The following ARHGEF38 variants were observed in gnomAD, a reference collection of about 807,000 sequenced individuals.
ARHGEF38 encodes Rho guanine nucleotide exchange factor 38.
Under a neutral mutation model 79.9 loss-of-function variants are expected in ARHGEF38, and 79 were observed. The ratio of observed to expected loss-of-function variants is 0.99; its 90% CI spans 0.82 to 1.19. The LOEUF (loss-of-function observed/expected upper bound fraction) is 1.19. ARHGEF38 is among the 50% of genes most tolerant of loss of function. The pLI, the probability that ARHGEF38 is intolerant of heterozygous loss-of-function variation, is 0.00. For synonymous variants in ARHGEF38, 366 were observed against 328.3 expected (o/e 1.11, Z -1.24); for missense variants, 962 against 907.2 (o/e 1.06, Z -0.78).
chr4:105,574,052 T>C (rs964160417), intron 1 of ARHGEF38, among the ~76,000 whole-genome samples: 3 of 152,218 alleles, frequency 2.0e-5, no homozygotes, highest in African/African-American at 7.2e-5. Flanking sequence ...CAACTGATTT[T>C]TGTGTGTTGA....
At chr4:105,578,241 C>T (rs1726599266) in intron 1 of ARHGEF38, among the ~76,000 whole-genome samples, 1 of 152,008 alleles carries the variant, frequency 6.6e-6, no homozygotes, top group African/African-American at 2.4e-5. Context: ...TATGGGGGTT[C>T]CTTGTGGAGT....
At chr4:105,553,106 A>C in intron 1 of ARHGEF38, 145 bp downstream of exon 1, 3 of 616,554 alleles carry the variant, frequency 4.9e-6, no homozygotes, top group Non-Finnish European at 5.4e-6. Context: ...ATGAAAGTAA[A>C]TGTGACCTAT....
At chr4:105,669,384 G>A (rs1730882021) in intron 13 of ARHGEF38, among the ~76,000 whole-genome samples, 1 of 152,022 alleles carries the variant, frequency 6.6e-6, no homozygotes, top group African/African-American at 2.4e-5. Context: ...TCAAGGAAGG[G>A]GCTTGTCCAT....
intron 2 of ARHGEF38, among the ~76,000 whole-genome samples, chr4:105,590,884 T>C (rs1345093642): frequency 1.3e-5 from 2 of 152,188 alleles, no homozygotes; most frequent in Non-Finnish European, 1.5e-5. Flanking sequence ...CATTGGCCTT[T>C]TCTGTTATTC....
rs188998529 is a variant in ARHGEF38, at chr4:105,555,827, G to A, written c.196+2866G>A. Among the ~76,000 whole-genome samples, 7 of 152,264 alleles carry A rather than the reference G, an allele frequency of 4.6e-5. No individual in the cohort carries two copies. The East Asian group carries it at 9.6e-4, about 21-fold the overall frequency. On this transcript the variant is annotated intron_variant, in intron 1 of 13. Transcript: ENST00000420470. Reference sequence around the variant, plus strand: ...TAAGATTTTTCTTTGGTGCTCTTGAGCTTGTCTTTTAACTCATGATACCTA... The same window carrying A: ...TAAGATTTTTCTTTGGTGCTCTTGAACTTGTCTTTTAACTCATGATACCTA...
At chr4:105,584,666 T>A (rs1163221294) in intron 1 of ARHGEF38, among the ~76,000 whole-genome samples, 2 of 152,234 alleles carry the variant, frequency 1.3e-5, no homozygotes, top group Admixed American at 1.3e-4. Context: ...TAGCTATAGC[T>A]ATTTCTATGT....
At chr4:105,618,362 G>A (rs948507723) in intron 3 of ARHGEF38, among the ~76,000 whole-genome samples, 2 of 152,202 alleles carry the variant, frequency 1.3e-5, no homozygotes, top group African/African-American at 4.8e-5. Context: ...GAACGGCTGG[G>A]CATGGTGGCT....
intron 1 of ARHGEF38, among the ~76,000 whole-genome samples, chr4:105,570,921 CAAAAG>C (rs921727002): frequency 1.3e-5 from 2 of 152,084 alleles, no homozygotes; most frequent in African/African-American, 4.8e-5. Flanking sequence ...AAGCCAGACA[CAAAAG>C]GACAAATACT....
At chr4:105,654,458 A>T (rs1211738262) in intron 8 of ARHGEF38, among the ~76,000 whole-genome samples, 1 of 152,248 alleles carries the variant, frequency 6.6e-6, no homozygotes, top group Non-Finnish European at 1.5e-5. Flanking sequence ...TCTTTGCAAC[A>T]GAGATGAGTT....
Position 105,561,439 on chromosome 4 carries a change from A to AGAATG in ARHGEF38, c.196+8482_196+8483insGGAAT, listed in dbSNP as rs1725556797. Among the ~76,000 whole-genome samples the AGAATG allele has an allele frequency of 7.8e-4, 35 of 44,704 alleles. 1 individual carries two copies. Among genetic ancestry groups the AGAATG allele is most frequent in the African/African-American group, 2.7e-3 (27 of 10,070 alleles). The allele number at this position is 44,704 out of a possible 152,430, so 29.3% of individuals were successfully genotyped here. ...AGAATAGAATGGAATAGAATAGAAT[A>AGAATG]GAATAGAATGGAATAGAATAGAATA... is the stretch of plus-strand genomic sequence containing the variant. On this transcript the variant is annotated intron_variant, in intron 1 of 13. Transcript: ENST00000420470.
intron 1 of ARHGEF38, among the ~76,000 whole-genome samples, chr4:105,560,371 T>A (rs1159940745): frequency 3.3e-5 from 5 of 152,226 alleles, no homozygotes; most frequent in Non-Finnish European, 7.3e-5. Context: ...ATTTTATGCC[T>A]GTTGTCATTT....
intron 1 of ARHGEF38, among the ~76,000 whole-genome samples, chr4:105,557,615 G>T (rs914108305): frequency 1.4e-5 from 2 of 145,908 alleles, no homozygotes; most frequent in South Asian, 2.2e-4. Context: ...AAAAAAAAAA[G>T]GCAAGAGAGA....
At position 105,645,299 on chromosome 4, in the gene ARHGEF38, C is replaced by T; in HGVS notation, c.786C>T (p.His262=). 6.5e-7 allele frequency: 1 copy of T among 1,536,580 alleles called. No homozygotes were observed. Among genetic ancestry groups the T allele is most frequent in the Non-Finnish European group, 8.7e-7 (1 of 1,146,962 alleles). The change falls in exon 6 of 14, where the codon CAC becomes CAT. Residue 262 remains histidine, a synonymous_variant. Transcript: ENST00000420470. Reference sequence around the variant, plus strand: ...TTCGGAATTCCACCCCTCCCTCTCACCCAGATTACAGAGCACTGGACGATG... The same window carrying T: ...TTCGGAATTCCACCCCTCCCTCTCATCCAGATTACAGAGCACTGGACGATG... ...CELRNSTPPS[H]PDYRALDDAF...
chr4:105,678,155 A>G lies in ARHGEF38; in HGVS notation c.*218A>G. 7.9e-6 allele frequency: 3 copies of G among 381,848 alleles called. No homozygotes were observed. Among genetic ancestry groups the G allele is most frequent in the Non-Finnish European group, 9.2e-6 (2 of 217,272 alleles). The allele number at this position is 381,848 out of a possible 1,614,324, so 23.7% of individuals were successfully genotyped here. ...AAAGAAATACTAAGCCAACAGAAAT[A>G]GCAAAGCAAATGACCCAAGCTTCAA... On this transcript the variant is annotated 3_prime_UTR_variant, in exon 14 of 14. Coordinates refer to ENST00000420470, the MANE Select transcript of ARHGEF38 (RefSeq NM_001242729.2).
At chr4:105,660,717 G>A (rs561200902) in intron 10 of ARHGEF38, among the ~76,000 whole-genome samples, 22 of 152,266 alleles carry the variant, frequency 1.4e-4, no homozygotes, top group African/African-American at 5.3e-4. Context: ...TGGGATTATA[G>A]GCATGAGCCA....
At chr4:105,572,176 C>T (rs1244121446) in intron 1 of ARHGEF38, among the ~76,000 whole-genome samples, 1 of 34,808 alleles carries the variant, frequency 2.9e-5, no homozygotes, top group Non-Finnish European at 5.5e-5. Flanking sequence ...TTTAAATTGC[C>T]TTGCACTCCA....
At chr4:105,607,007 G>A (rs2110483295) in intron 2 of ARHGEF38, among the ~76,000 whole-genome samples, 1 of 152,084 alleles carries the variant, frequency 6.6e-6, no homozygotes, top group East Asian at 1.9e-4. Context: ...TTTGTTCCTA[G>A]ACTTCTTTAC....
chr4:105,560,891 T>G (rs1223480425), intron 1 of ARHGEF38, among the ~76,000 whole-genome samples: 5 of 152,152 alleles, frequency 3.3e-5, no homozygotes, highest in Non-Finnish European at 7.4e-5. Flanking sequence ...TCCTTCTGTG[T>G]TTGTTGTGAA....
At chr4:105,591,513 G>A (rs558403008) in intron 2 of ARHGEF38, among the ~76,000 whole-genome samples, 1 of 152,322 alleles carries the variant, frequency 6.6e-6, no homozygotes, top group South Asian at 2.1e-4. Flanking sequence ...ACAGGCGTGA[G>A]CCACCATGCC....
Sources: gnomAD v4.1 joint callset for allele counts (sites outside exome capture counted in the v4.1 genomes callset) on GRCh38, gnomAD v4.1.1 for gene constraint, MANE v1.5 for transcripts, NCBI Gene and HGNC (gene_info 2026-07-23, HGNC 2026-07-21) for gene names.